The following PPM1B variants were observed in gnomAD, a reference collection of about 807,000 sequenced individuals.
The protein encoded by PPM1B is protein phosphatase, Mg2+/Mn2+ dependent 1B.
PPM1B carries 22 observed loss-of-function variants against 43.0 expected under a neutral mutation model. That is an observed-to-expected ratio of 0.51 (90% CI 0.37 to 0.73). PPM1B has a LOEUF of 0.73. PPM1B is among the 30% of genes least tolerant of loss of function. PPM1B has a pLI of 0.00. For synonymous variants in PPM1B, 217 were observed against 197.9 expected, an observed-to-expected ratio of 1.10 and a Z score of -0.81; for missense variants, 632 against 584.2, an observed-to-expected ratio of 1.08 and a Z score of -0.84.
intron 5 of PPM1B, among the ~76,000 whole-genome samples, chr2:44,220,435 C>G (rs1157236705): frequency 2.6e-5 from 4 of 152,038 alleles, no homozygotes; most frequent in Non-Finnish European, 5.9e-5. Flanking sequence ...GGCAACGGAA[C>G]TATGAAACTG....
intron 5 of PPM1B, among the ~76,000 whole-genome samples, chr2:44,243,982 A>T (rs1670803476): frequency 6.6e-6 from 1 of 152,082 alleles, no homozygotes; most frequent in South Asian, 2.1e-4. Context: ...CTTTCTATTT[A>T]TACAAGTGTT....
downstream of PPM1B, among the ~76,000 whole-genome samples, chr2:44,246,077 C>A (rs1045052594): frequency 2.5e-4 from 38 of 152,278 alleles, no homozygotes; most frequent in African/African-American, 9.1e-4. Context: ...CATTATATAT[C>A]CTAACGCCAA....
intron 1 of PPM1B, among the ~76,000 whole-genome samples, chr2:44,183,621 T>TAC (rs1667986210): frequency 6.6e-6 from 1 of 152,212 alleles, no homozygotes; most frequent in African/African-American, 2.4e-5. Context: ...TTGAAGGGCA[T>TAC]ACCAGTGAGC....
At chr2:44,202,257 G>A (rs1366623614) in intron 2 of PPM1B, among the ~76,000 whole-genome samples, 1 of 152,052 alleles carries the variant, frequency 6.6e-6, no homozygotes, top group Non-Finnish European at 1.5e-5. Flanking sequence ...TAAATTTGAG[G>A]CATTTGTTGT....
intron 1 of PPM1B, among the ~76,000 whole-genome samples, chr2:44,185,275 C>G (rs1668066037): frequency 6.6e-6 from 1 of 152,038 alleles, no homozygotes; most frequent in Non-Finnish European, 1.5e-5. Context: ...AAATTAATTC[C>G]TCTTGTATGA....
chr2:44,190,773 G>A (rs962618932), intron 1 of PPM1B, among the ~76,000 whole-genome samples: 2 of 152,270 alleles, frequency 1.3e-5, no homozygotes, highest in East Asian at 1.9e-4. Flanking sequence ...AACAGCGCAA[G>A]TACCCATATT....
intron 5 of PPM1B, among the ~76,000 whole-genome samples, chr2:44,219,480 C>G (rs1327202076): frequency 6.6e-6 from 1 of 151,848 alleles, no homozygotes; most frequent in East Asian, 1.9e-4. Flanking sequence ...AATATGATTT[C>G]TTTTCCTTAA....
At chr2:44,244,248 C>A in exon 6 of PPM1B, 1 of 1,344,280 alleles carries the variant, frequency 7.4e-7, no homozygotes, top group South Asian at 1.2e-5. Flanking sequence ...TGGGCACGTC[C>A]ATCTGTAAAC....
At chr2:44,194,028 ATTTGTTTG>A (rs892313818) in intron 1 of PPM1B, among the ~76,000 whole-genome samples, 42 of 151,722 alleles carry the variant, frequency 2.8e-4, no homozygotes, top group African/African-American at 8.5e-4. Context: ...GGTTTTGTTT[ATTTGTTTG>A]TTTGTTTGTT....
intron 5 of PPM1B, among the ~76,000 whole-genome samples, chr2:44,239,896 G>GTTTTTTTTTTTTT: frequency 7.1e-6 from 1 of 140,282 alleles, no homozygotes; most frequent in Non-Finnish European, 1.5e-5. Context: ...TTTTGTTTTT[G>GTTTTTTTTTTTTT]TTTTTTTTTT....
intron 3 of PPM1B, 84 bp from the exon 4 acceptor site, chr2:44,217,883 T>C (rs1308228814): frequency 5.4e-6 from 4 of 741,768 alleles, no homozygotes; most frequent in African/African-American, 3.7e-5. Context: ...AAATAGGTAC[T>C]ACCAAATAGT....
At chr2:44,183,087 C>A (rs1198183911) in intron 1 of PPM1B, among the ~76,000 whole-genome samples, 2 of 152,216 alleles carry the variant, frequency 1.3e-5, no homozygotes, top group Non-Finnish European at 1.5e-5. Flanking sequence ...TTTCTCTCAT[C>A]TCAGGATCTT....
chr2:44,177,458 G>T (rs1197022608), intron 1 of PPM1B, among the ~76,000 whole-genome samples: 4 of 109,526 alleles, frequency 3.7e-5, no homozygotes, highest in African/African-American at 1.1e-4. Context: ...TGCTCTTGTT[G>T]CCCAGGCTGG....
At chr2:44,189,583 C>T (rs1237632734) in intron 1 of PPM1B, among the ~76,000 whole-genome samples, 1 of 152,166 alleles carries the variant, frequency 6.6e-6, no homozygotes, top group Non-Finnish European at 1.5e-5. Context: ...CCTGCCTCAG[C>T]CTCCCAAGTA....
At position 44,182,616 on chromosome 2, in the gene PPM1B, A is replaced by G. The variant is rs575745582; in HGVS notation, c.-15+13342A>G. ...TGATTACCTAATATTTAAGTTTTCTAATTGTGATTTGCTTTTCTTTTTTTA... is the reference window on the plus strand; with the variant it reads ...TGATTACCTAATATTTAAGTTTTCTGATTGTGATTTGCTTTTCTTTTTTTA... On this transcript the variant is annotated intron_variant, in intron 1 of 5. Transcript: ENST00000282412. 1.1e-4 allele frequency among the ~76,000 whole-genome samples: 17 copies of G among 152,212 alleles called. No homozygotes were observed. The South Asian group carries it at 3.5e-3, about 32-fold the overall frequency.
chr2:44,238,931 A>G (rs1670688205), downstream of PPM1B, among the ~76,000 whole-genome samples: 1 of 152,140 alleles, frequency 6.6e-6, no homozygotes, highest in Non-Finnish European at 1.5e-5. Flanking sequence ...GCCTTAATGT[A>G]AACTGAAATT....
intron 5 of PPM1B, chr2:44,230,105 G>A (rs1211201748): frequency 8.0e-6 from 12 of 1,493,082 alleles, no homozygotes; most frequent in Non-Finnish European, 8.9e-6. Flanking sequence ...GTTTAAGTAA[G>A]TCAGTTTTAG....
At chr2:44,182,380 C>T (rs567676048) in intron 1 of PPM1B, among the ~76,000 whole-genome samples, 1 of 152,244 alleles carries the variant, frequency 6.6e-6, no homozygotes, top group African/African-American at 2.4e-5. Context: ...CTGCCTCAGC[C>T]TCCTGAGTAG....
chr2:44,237,817 C>T (rs1008215236), downstream of PPM1B, among the ~76,000 whole-genome samples: 1 of 152,114 alleles, frequency 6.6e-6, no homozygotes, highest in Non-Finnish European at 1.5e-5. Context: ...TCTCCTGAGT[C>T]GTTTACACTT....
Sources: allele counts gnomAD v4.1 joint callset (sites outside exome capture counted in the v4.1 genomes callset), GRCh38; gene constraint gnomAD v4.1.1; transcripts MANE v1.5; gene names NCBI Gene and HGNC (gene_info 2026-07-23, HGNC 2026-07-21).